The following PPP6R3 variants were observed in gnomAD, a reference collection of about 807,000 sequenced individuals.
PPP6R3 encodes the protein protein phosphatase 6 regulatory subunit 3.
A neutral mutation model predicts 110.7 loss-of-function variants in PPP6R3; 38 were observed. That is an observed-to-expected ratio of 0.34 (90% CI 0.26 to 0.45). The LOEUF is 0.45. Ranked by LOEUF, PPP6R3 falls within the 20% of genes least tolerant of loss-of-function variation. The probability of loss-of-function intolerance (pLI) is 1.00; values close to 1 mark genes in which losing one functional copy is unlikely to be tolerated. For synonymous variants in PPP6R3, 369 were observed against 373.5 expected (o/e 0.99, Z 0.14); for missense variants, 870 against 1,062.4 (o/e 0.82, Z 2.52).
chr11:68,564,323 TC>T lies in PPP6R3; in HGVS notation c.867del (p.Cys290AlafsTer5). 1 of 1,612,200 alleles carries T rather than the reference TC, an allele frequency of 6.2e-7. No individual in the cohort carries two copies. On this transcript the variant is annotated frameshift_variant, in exon 9 of 24. Coordinates refer to ENST00000393800, the MANE Select transcript of PPP6R3 (RefSeq NM_001164161.2). LOFTEE classifies it high-confidence loss of function. Reference sequence around the variant, plus strand: ...TCAAGATTTGAAGGCCATATAGAGATCTGCCCACCAGGCATGAGCCATTCAG... The same window carrying T: ...TCAAGATTTGAAGGCCATATAGAGATTGCCCACCAGGCATGAGCCATTCAG... ...RRPTFEGHIE[I>X]CPPGMSHSAC...
Position 68,573,114 on chromosome 11 carries a change from T to TTATATATATATATATATATATATATATA in PPP6R3, c.1344-982_1344-955dup, listed in dbSNP as rs60848718. Among the ~76,000 whole-genome samples the TTATATATATATATATATATATATATATA allele has an allele frequency of 6.5e-5, 4 of 61,796 alleles. No individual in the cohort carries two copies. The Admixed American group carries it at 7.2e-4, about 11-fold the overall frequency. 40.5% of individuals were successfully genotyped at this position (61,796 alleles called of 152,430 possible). A position where few individuals can be genotyped will look rare whatever the true frequency, so the allele number is the denominator to read the frequency against. ...TCAGATTAATATGAGTTTACTTATT[T>TTATATATATATATATATATATATATATA]TATATATATATATATATATATATAT... On this transcript the variant is annotated intron_variant, in intron 12 of 23. Transcript: ENST00000393800.
At chr11:68,519,734 C>T (rs1293581863) in intron 2 of PPP6R3, 83 bp downstream of exon 2, 1 of 396,166 alleles carries the variant, frequency 2.5e-6, no homozygotes, top group East Asian at 3.6e-5. Flanking sequence ...ACCCTGGAGT[C>T]TTAGCAAACC....
intron 1 of PPP6R3, among the ~76,000 whole-genome samples, chr11:68,473,834 G>A (rs1402743355): frequency 6.6e-6 from 1 of 150,892 alleles, no homozygotes; most frequent in Non-Finnish European, 1.5e-5. Flanking sequence ...TCTACTTTTT[G>A]GCTGTTGTGA....
At chr11:68,497,032 TTTTG>T (rs1236560997) in intron 1 of PPP6R3, among the ~76,000 whole-genome samples, 34 of 149,846 alleles carry the variant, frequency 2.3e-4, no homozygotes, top group South Asian at 4.3e-4. Flanking sequence ...CGGCTAATTT[TTTTG>T]TTTGTTTGTT....
chr11:68,466,420 G>C (rs945041690), intron 1 of PPP6R3, among the ~76,000 whole-genome samples: 2 of 151,300 alleles, frequency 1.3e-5, no homozygotes, highest in African/African-American at 2.4e-5. Context: ...TCTATGCCTA[G>C]CTAGGACATT....
At chr11:68,484,263 A>C (rs2153398896) in intron 1 of PPP6R3, among the ~76,000 whole-genome samples, 1 of 152,312 alleles carries the variant, frequency 6.6e-6, no homozygotes, top group East Asian at 1.9e-4. Flanking sequence ...ATTGTACAGA[A>C]AGAGTATGTT....
intron 11 of PPP6R3, among the ~76,000 whole-genome samples, chr11:68,570,697 T>C (rs950368460): frequency 6.6e-6 from 1 of 152,264 alleles, no homozygotes; most frequent in Admixed American, 6.5e-5. Flanking sequence ...GGCATAGTTT[T>C]CTTTATTCCA....
intron 12 of PPP6R3, among the ~76,000 whole-genome samples, chr11:68,572,203 T>C (rs1593348400): frequency 6.6e-6 from 1 of 152,174 alleles, no homozygotes; most frequent in East Asian, 1.9e-4. Context: ...GTTATATGTC[T>C]GACTCCGTCT....
At chr11:68,542,389 G>GTTTTGTTTTTTT (rs1555132285) in intron 3 of PPP6R3, among the ~76,000 whole-genome samples, 450 of 40,270 alleles carry the variant, frequency 0.011, 54 homozygotes, top group Non-Finnish European at 0.016. Context: ...AGAAGCTGCT[G>GTTTTGTTTTTTT]TTTTTTTTTT....
chr11:68,473,913 C>T (rs766564196), intron 1 of PPP6R3, among the ~76,000 whole-genome samples: 2 of 152,004 alleles, frequency 1.3e-5, no homozygotes, highest in Admixed American at 6.6e-5. Context: ...TTGGTGTATA[C>T]GTAGGAGTGG....
intron 1 of PPP6R3, chr11:68,505,394 T>G (rs2099070509): frequency 6.6e-6 from 1 of 152,442 alleles, no homozygotes. Context: ...GTTGAGAAAG[T>G]TAAGACCTAG....
At chr11:68,575,363 A>C (rs1247766216) in intron 13 of PPP6R3, among the ~76,000 whole-genome samples, 1 of 152,204 alleles carries the variant, frequency 6.6e-6, no homozygotes, top group African/African-American at 2.4e-5. Context: ...TTTCTCTAGA[A>C]GGTAGAATTT....
chr11:68,531,652 G>A (rs2099241378), intron 2 of PPP6R3, among the ~76,000 whole-genome samples: 1 of 152,198 alleles, frequency 6.6e-6, no homozygotes, highest in Non-Finnish European at 1.5e-5. Context: ...AGTTTGGGAA[G>A]CTTTAAAGCT....
intron 15 of PPP6R3, 66 bp downstream of exon 15, chr11:68,583,195 G>T: frequency 8.2e-7 from 1 of 1,226,128 alleles, no homozygotes; most frequent in South Asian, 1.4e-5. Context: ...TGCCTTTTAT[G>T]AATCAGCTTC....
intron 1 of PPP6R3, among the ~76,000 whole-genome samples, chr11:68,516,194 T>C (rs912567308): frequency 2.0e-5 from 3 of 152,240 alleles, no homozygotes; most frequent in African/African-American, 7.2e-5. Flanking sequence ...TATTCCATTG[T>C]ATGTATATAC....
At chr11:68,543,026 A>G (rs914224184) in intron 3 of PPP6R3, among the ~76,000 whole-genome samples, 3 of 152,190 alleles carry the variant, frequency 2.0e-5, no homozygotes, top group Non-Finnish European at 4.4e-5. Flanking sequence ...CTGCCATTTT[A>G]TAGTGAAAAT....
chr11:68,605,248 G>A (rs918062667), intron 22 of PPP6R3, among the ~76,000 whole-genome samples: 1 of 152,124 alleles, frequency 6.6e-6, no homozygotes, highest in Non-Finnish European at 1.5e-5. Flanking sequence ...TGCTGAAGTC[G>A]AGGCTGCAGT....
chr11:68,557,767 C>T (rs1431415166), intron 7 of PPP6R3, among the ~76,000 whole-genome samples: 1 of 152,208 alleles, frequency 6.6e-6, no homozygotes, highest in Non-Finnish European at 1.5e-5. Flanking sequence ...ATCCGCCTGC[C>T]TCGGCCTCCC....
chr11:68,596,934 G>A (rs1158812239), intron 19 of PPP6R3, among the ~76,000 whole-genome samples: 2 of 152,158 alleles, frequency 1.3e-5, no homozygotes, highest in South Asian at 2.1e-4. Context: ...AGAGCTAGAT[G>A]GGACCAGATC....
Sources: allele counts gnomAD v4.1 joint callset (sites outside exome capture counted in the v4.1 genomes callset), GRCh38; gene constraint gnomAD v4.1.1; transcripts MANE v1.5; gene names NCBI Gene and HGNC (gene_info 2026-07-23, HGNC 2026-07-21).